The following C6orf118 variants were observed in gnomAD, a reference collection of about 807,000 sequenced individuals.
The protein encoded by C6orf118 is chromosome 6 open reading frame 118, also known as uncharacterized protein C6orf118.
C6orf118 carries 50 observed loss-of-function variants against 50.2 expected under a neutral mutation model. The observed-to-expected ratio is 1.00, with a 90% CI of 0.79 to 1.26. The LOEUF is 1.26. Ranked by LOEUF, C6orf118 falls within the 50% of genes most tolerant of loss-of-function variation. The pLI is 0.00. For missense variants in C6orf118, 641 were observed against 578.7 expected (o/e 1.11, Z -1.10); for synonymous variants, 239 against 230.9 (o/e 1.03, Z -0.32).
At chr6:165,285,739 A>G (rs1177942102) in intron 7 of C6orf118, among the ~76,000 whole-genome samples, 1 of 152,130 alleles carries the variant, frequency 6.6e-6, no homozygotes, top group Non-Finnish European at 1.5e-5. Context: ...TAATAAGAAC[A>G]GACAACATAC....
intron 7 of C6orf118, among the ~76,000 whole-genome samples, chr6:165,285,157 T>C (rs374697571): frequency 2.0e-5 from 3 of 151,992 alleles, no homozygotes; most frequent in African/African-American, 7.2e-5. Flanking sequence ...AAAGCAGGGG[T>C]TGCAATCCTA....
At chr6:165,294,795 A>T (rs1486230527) in intron 5 of C6orf118, among the ~76,000 whole-genome samples, 1 of 152,136 alleles carries the variant, frequency 6.6e-6, no homozygotes, top group East Asian at 1.9e-4. Flanking sequence ...AAGTAGGAGG[A>T]TCTCTTGCAC....
chr6:165,301,569 C>T lies in C6orf118; in HGVS notation c.753G>A (p.Gln251=). The T allele has an allele frequency of 6.2e-7, 1 of 1,609,660 alleles. No homozygotes were observed. The highest frequency in any genetic ancestry group is 1.1e-5 in the South Asian group (1 of 90,592). Residue 251 remains glutamine, a splice_region_variant and synonymous_variant, in exon 2 of 9, where the codon CAG becomes CAA. Coordinates refer to ENST00000230301, the MANE Select transcript of C6orf118 (RefSeq NM_144980.4). ...AAAGHERKLQ[Q]ELQKICTCSP... is the part of the protein sequence containing the mutation. ...ACCACCGCAGGGCTGCCCTCCTCAC[C>T]TGCTGCAGCTTTCTCTCGTGGCCCG... is the stretch of plus-strand genomic sequence containing the variant.
chr6:165,291,349 CAAT>C (rs1463059497), intron 6 of C6orf118, among the ~76,000 whole-genome samples: 1 of 152,148 alleles, frequency 6.6e-6, no homozygotes, highest in Non-Finnish European at 1.5e-5. Context: ...AGAAAGAAAA[CAAT>C]GAGTTCAATG....
intron 6 of C6orf118, 68 bp from the exon 7 acceptor site, chr6:165,290,135 T>C: frequency 1.1e-6 from 1 of 904,948 alleles, no homozygotes; most frequent in Admixed American, 3.2e-5. Context: ...TAGCATTATG[T>C]ATTATTAACA....
intron 3 of C6orf118, among the ~76,000 whole-genome samples, chr6:165,299,908 T>G (rs1562333323): frequency 6.6e-6 from 1 of 152,166 alleles, no homozygotes; most frequent in Non-Finnish European, 1.5e-5. Flanking sequence ...GGTCTTGAAC[T>G]CCTGACCTAA....
Position 165,280,046 on chromosome 6 carries a change from C to T in C6orf118, c.*11G>A. Reference sequence around the variant, plus strand: ...GAATTTCCACTGGCCATTTGTTCAGCCACTTGAGCGTTATCTTCTGTTTCC... The same window carrying T: ...GAATTTCCACTGGCCATTTGTTCAGTCACTTGAGCGTTATCTTCTGTTTCC... On this transcript the variant is annotated 3_prime_UTR_variant, in exon 9 of 9. Coordinates refer to ENST00000230301, the MANE Select transcript of C6orf118 (RefSeq NM_144980.4). The T allele has an allele frequency of 6.2e-7, 1 of 1,600,788 alleles. No individual in the cohort carries two copies. Among genetic ancestry groups the T allele is most frequent in the East Asian group, 2.2e-5 (1 of 44,542 alleles).
At chr6:165,289,333 A>G (rs1780027035) in intron 7 of C6orf118, among the ~76,000 whole-genome samples, 1 of 152,160 alleles carries the variant, frequency 6.6e-6, no homozygotes, top group African/African-American at 2.4e-5. Flanking sequence ...GGAAAAATAT[A>G]TTTAACTATA....
rs201897410 is a variant in C6orf118, at chr6:165,280,048, A to G, written c.*9T>C. 22 of 1,602,478 alleles carry G rather than the reference A, an allele frequency of 1.4e-5. No individual in the cohort carries two copies. Among genetic ancestry groups the G allele is most frequent in the South Asian group, 1.0e-4 (9 of 87,780 alleles). On this transcript the variant is annotated 3_prime_UTR_variant, in exon 9 of 9. Coordinates refer to ENST00000230301, the MANE Select transcript of C6orf118 (RefSeq NM_144980.4). ...ATTTCCACTGGCCATTTGTTCAGCC[A>G]CTTGAGCGTTATCTTCTGTTTCCTC...
At chr6:165,303,359 G>T (rs899515503) in intron 1 of C6orf118, among the ~76,000 whole-genome samples, 2 of 151,378 alleles carry the variant, frequency 1.3e-5, no homozygotes, top group South Asian at 4.2e-4. Flanking sequence ...ATGCCTACAA[G>T]AGAAAGCAGG....
At chr6:165,301,360 C>A (rs930969332) in intron 2 of C6orf118, among the ~76,000 whole-genome samples, 2 of 151,022 alleles carry the variant, frequency 1.3e-5, no homozygotes, top group Admixed American at 6.6e-5. Flanking sequence ...GAGGCTGCAC[C>A]AAGAGCACTG....
chr6:165,296,867 G>A (rs78324933), intron 5 of C6orf118, among the ~76,000 whole-genome samples: 1,725 of 152,208 alleles, frequency 0.011, 26 homozygotes, highest in African/African-American at 0.039. Context: ...TACCAGCCAG[G>A]GCTCCCCTAG....
Position 165,301,944 on chromosome 6 carries a change from G to C in C6orf118, c.378C>G (p.Thr126=), listed in dbSNP as rs34717417. 5.3e-4 allele frequency: 859 copies of C among 1,613,848 alleles called. 3 individuals carry two copies. In the African/African-American group the frequency reaches 0.01, roughly 19 times the overall value. Residue 126 remains threonine, a synonymous_variant, in exon 2 of 9, where the codon ACC becomes ACG. Coordinates refer to ENST00000230301, the MANE Select transcript of C6orf118 (RefSeq NM_144980.4). ...TALVPSEAQD[T]PLFRYLNPQA... ...GGGGGTTCAGGTACCTGAACAGCGG[G>C]GTGTCCTGGGCCTCACTGGGGACCA...
chr6:165,306,234 A>T (rs1179768423), intron 1 of C6orf118, among the ~76,000 whole-genome samples: 17 of 47,142 alleles, frequency 3.6e-4, no homozygotes, highest in Non-Finnish European at 6.0e-4. Context: ...ACAAAAAACC[A>T]AACACCGCAT....
rs772531619 is a variant in C6orf118, at chr6:165,301,628, G to T, written c.694C>A (p.Leu232Met). The T allele has an allele frequency of 1.2e-6, 2 of 1,614,104 alleles. No homozygotes were observed. Among genetic ancestry groups the T allele is most frequent in the Non-Finnish European group, 1.7e-6 (2 of 1,180,018 alleles). Residue 232 changes from leucine to methionine, a missense_variant, in exon 2 of 9, where the codon CTG becomes ATG. Physicochemically the swap from Leu to Met is conservative, Grantham distance 15. Coordinates refer to ENST00000230301, the MANE Select transcript of C6orf118 (RefSeq NM_144980.4). ...TTGCTCCCAGTGAAGTCATTCTTCA[G>T]GAGATCTTGCTTGGCGAGCACTTCC... ...QKEVLAKQDL[L>M]KNDFTGSKAA...
At chr6:165,290,339 C>A (rs1780065566) in intron 6 of C6orf118, among the ~76,000 whole-genome samples, 1 of 151,464 alleles carries the variant, frequency 6.6e-6, no homozygotes, top group African/African-American at 2.4e-5. Context: ...TTAGCCCTTT[C>A]CAGAGTGTGT....
intron 4 of C6orf118, among the ~76,000 whole-genome samples, chr6:165,299,047 G>T (rs1003919385): frequency 6.6e-6 from 1 of 152,158 alleles, no homozygotes; most frequent in Non-Finnish European, 1.5e-5. Context: ...CACCTGGAAC[G>T]CTGTCACCCG....
At chr6:165,290,671 A>G (rs1172059356) in intron 6 of C6orf118, among the ~76,000 whole-genome samples, 1 of 152,154 alleles carries the variant, frequency 6.6e-6, no homozygotes, top group African/African-American at 2.4e-5. Flanking sequence ...ATGGGCAGAG[A>G]CACAATCAGA....
intron 3 of C6orf118, among the ~76,000 whole-genome samples, chr6:165,299,795 C>T (rs552874430): frequency 6.6e-6 from 1 of 152,298 alleles, no homozygotes; most frequent in African/African-American, 2.4e-5. Flanking sequence ...AGCGATTCTC[C>T]TGCCTCAGCC....
Sources: gnomAD v4.1 joint callset for allele counts (sites outside exome capture counted in the v4.1 genomes callset) on GRCh38, gnomAD v4.1.1 for gene constraint, MANE v1.5 for transcripts, NCBI Gene and HGNC (gene_info 2026-07-23, HGNC 2026-07-21) for gene names.